SUGCT: variants seen among roughly 807,000 people sequenced by gnomAD.
The protein encoded by SUGCT is succinyl-CoA:glutarate-CoA transferase.
A neutral mutation model predicts 55.0 loss-of-function variants in SUGCT; 41 were observed. The ratio of observed to expected loss-of-function variants is 0.74; its 90% confidence interval spans 0.58 to 0.97. The LOEUF is 0.97. SUGCT is among the 50% of genes least tolerant of loss of function. SUGCT has a pLI of 0.00. For synonymous variants in SUGCT, 187 were observed against 200.4 expected (o/e 0.93, Z 0.56); for missense variants, 568 against 547.8 (o/e 1.04, Z -0.37).
At chr7:40,734,158 T>C (rs1787039391) in intron 12 of SUGCT, among the ~76,000 whole-genome samples, 1 of 152,212 alleles carries the variant, frequency 6.6e-6, no homozygotes. Context: ...ACTTGCATCT[T>C]ACTATACCTA....
intron 12 of SUGCT, among the ~76,000 whole-genome samples, chr7:40,541,084 G>A (rs1471192694): frequency 6.6e-6 from 1 of 152,194 alleles, no homozygotes; most frequent in Non-Finnish European, 1.5e-5. Context: ...GGCAGTGGGT[G>A]AAGAGGAAAG....
chr7:40,547,827 T>A (rs1795076252), intron 12 of SUGCT, among the ~76,000 whole-genome samples: 1 of 152,144 alleles, frequency 6.6e-6, no homozygotes, highest in Non-Finnish European at 1.5e-5. Context: ...TTTTAATCAT[T>A]TTGGTGTATT....
rs189842489 is a variant in SUGCT at position 40,236,112 on chromosome 7, C to T, written c.485-1523C>T. On this transcript the variant is annotated intron_variant, in intron 6 of 13. Transcript: ENST00000335693. The stretch of plus-strand genomic sequence containing the variant: ...TTTCTCTGTTGCCCAGGCTGCAGTG[C>T]GGTGGTGCAATCTCGGCTCACTGTA... 9.2e-4 allele frequency among the ~76,000 whole-genome samples: 140 copies of T among 152,122 alleles called. 1 individual carries two copies. The highest frequency in any genetic ancestry group is 3.1e-3 in the African/African-American group (129 of 41,502).
intron 12 of SUGCT, among the ~76,000 whole-genome samples, chr7:40,647,106 T>C (rs1800556876): frequency 6.6e-6 from 1 of 152,166 alleles, no homozygotes; most frequent in African/African-American, 2.4e-5. Flanking sequence ...GAACAGATAA[T>C]ATCAGGGCCC....
At chr7:40,320,287 G>A (rs952908961) in intron 9 of SUGCT, among the ~76,000 whole-genome samples, 3 of 151,902 alleles carry the variant, frequency 2.0e-5, no homozygotes, top group African/African-American at 7.3e-5. Context: ...TGTATTTTTA[G>A]TAGAGATGGG....
chr7:40,454,815 T>C (rs1789389286), intron 10 of SUGCT, among the ~76,000 whole-genome samples: 1 of 152,150 alleles, frequency 6.6e-6, no homozygotes, highest in African/African-American at 2.4e-5. Flanking sequence ...AAAGGAAAAC[T>C]AAGGGAATTT....
intron 9 of SUGCT, among the ~76,000 whole-genome samples, chr7:40,433,337 CTTTTTTTT>C (rs200117722): frequency 1.6e-4 from 23 of 141,698 alleles, no homozygotes; most frequent in African/African-American, 5.7e-4. Flanking sequence ...TTCTTTTTTT[CTTTTTTTT>C]TTTGTCTTAT....
chr7:40,626,312 G>A (rs531679637), intron 12 of SUGCT, among the ~76,000 whole-genome samples: 29 of 151,364 alleles, frequency 1.9e-4, no homozygotes, highest in Non-Finnish European at 3.5e-4. Flanking sequence ...GCTGGAGTGC[G>A]GTGGTGTGAT....
At chr7:40,813,431 C>G (rs1791519678) in intron 13 of SUGCT, among the ~76,000 whole-genome samples, 1 of 152,040 alleles carries the variant, frequency 6.6e-6, no homozygotes, top group Non-Finnish European at 1.5e-5. Flanking sequence ...GTTAAATCTT[C>G]TTATAGAATT....
the SUGCT span, among the ~76,000 whole-genome samples, chr7:41,013,017 AATAT>A: frequency 0.059 from 8,669 of 147,744 alleles, 684 homozygotes; most frequent in African/African-American, 0.18. Context: ...CTCTGATTTA[AATAT>A]ATATATATAT....
At chr7:40,839,445 A>G (rs548118314) in intron 13 of SUGCT, among the ~76,000 whole-genome samples, 1 of 152,252 alleles carries the variant, frequency 6.6e-6, no homozygotes, top group South Asian at 2.1e-4. Context: ...ATGAGTTGGG[A>G]AATATTCCTC....
the SUGCT span, among the ~76,000 whole-genome samples, chr7:40,944,448 A>C: frequency 5.9e-5 from 9 of 151,624 alleles, no homozygotes; most frequent in Admixed American, 5.9e-4. Flanking sequence ...ATCTTGAATT[A>C]ATTTTTGTAT....
intron 1 of SUGCT, among the ~76,000 whole-genome samples, chr7:40,177,636 T>C (rs773467107): frequency 6.6e-6 from 1 of 152,222 alleles, no homozygotes; most frequent in South Asian, 2.1e-4. Context: ...TATCCTCCAT[T>C]TATCCCATAC....
At chr7:40,953,262 C>T in the SUGCT span, among the ~76,000 whole-genome samples, 1 of 152,232 alleles carries the variant, frequency 6.6e-6, no homozygotes. Context: ...GAAGCTTGTG[C>T]ATCCATTATG....
chr7:40,671,314 C>T (rs775480640), intron 12 of SUGCT, among the ~76,000 whole-genome samples: 1 of 152,034 alleles, frequency 6.6e-6, no homozygotes, highest in Non-Finnish European at 1.5e-5. Flanking sequence ...TTATAAGACT[C>T]TCGGAAAAGT....
intron 12 of SUGCT, among the ~76,000 whole-genome samples, chr7:40,531,896 G>C (rs1363398156): frequency 6.6e-6 from 1 of 152,070 alleles, no homozygotes; most frequent in Non-Finnish European, 1.5e-5. Context: ...GGATGATCTC[G>C]ATCTCCTGAC....
chr7:40,604,097 G>A (rs931873026), intron 12 of SUGCT, among the ~76,000 whole-genome samples: 1 of 152,122 alleles, frequency 6.6e-6, no homozygotes, highest in Non-Finnish European at 1.5e-5. Context: ...GTTCCTCAAT[G>A]TGGGGGTAAA....
At chr7:40,858,723 T>G (rs1794331229) in intron 13 of SUGCT, among the ~76,000 whole-genome samples, 1 of 152,156 alleles carries the variant, frequency 6.6e-6, no homozygotes, top group Non-Finnish European at 1.5e-5. Flanking sequence ...ATTTCTCTCT[T>G]ACTGAAAAGG....
chr7:40,833,151 TGCAATAATA>T (rs1365325193), intron 13 of SUGCT, among the ~76,000 whole-genome samples: 1 of 152,134 alleles, frequency 6.6e-6, no homozygotes, highest in Non-Finnish European at 1.5e-5. Context: ...TTTTAAACAT[TGCAATAATA>T]GTCAGATAGA....
Sources: allele counts gnomAD v4.1 joint callset (sites outside exome capture counted in the v4.1 genomes callset), GRCh38; gene constraint gnomAD v4.1.1; transcripts MANE v1.5; gene names NCBI Gene and HGNC (gene_info 2026-07-23, HGNC 2026-07-21).